Variants in VRTN observed in about 807,000 individuals in gnomAD.
VRTN encodes vertnin.
A neutral mutation model predicts 18.2 loss-of-function variants in VRTN; 5 were observed. The observed-to-expected ratio is 0.27, with a 90% CI of 0.14 to 0.58. VRTN has a LOEUF of 0.58. Ranked by LOEUF, VRTN falls within the 20% of genes least tolerant of loss-of-function variation. VRTN has a pLI of 0.91. For synonymous variants in VRTN, 381 were observed against 393.7 expected (o/e 0.97, Z 0.38); for missense variants, 741 against 939.4 (o/e 0.79, Z 2.76).
chr14:74,357,584 G>T lies in VRTN; in HGVS notation c.801G>T (p.Pro267=). The T allele has an allele frequency of 6.2e-7, 1 of 1,613,900 alleles. No homozygotes were observed. The highest frequency in any genetic ancestry group is 1.1e-5 in the South Asian group (1 of 91,078). The change falls in exon 2 of 2, where the codon CCG becomes CCT. Residue 267 remains proline, a synonymous_variant. Coordinates refer to ENST00000256362, the MANE Select transcript of VRTN (RefSeq NM_018228.3). This position sits in a 1 kb window ranked among gnomAD's most constrained non-coding sequence, Gnocchi z 7.8. ...CAGCCCTGGCCCCACTCTCATCGCC[G>T]GCCAAGACCCTGGAGCTGCTCAACC... ...ALPALAPLSS[P]AKTLELLNRE...
chr14:74,340,110 A>T (rs1345881326), intron 2 of VRTN, among the ~76,000 whole-genome samples: 47 of 113,174 alleles, frequency 4.2e-4, no homozygotes, highest in Non-Finnish European at 4.7e-4. Context: ...TAATGTTTGT[A>T]TTTTTTTTTT....
chr14:74,310,911 G>A (rs891388392), intron 1 of VRTN, among the ~76,000 whole-genome samples: 2 of 151,610 alleles, frequency 1.3e-5, no homozygotes, highest in Non-Finnish European at 2.9e-5. Context: ...CTAGGCTGTC[G>A]AACTCCTGGC....
At chr14:74,332,612 C>T (rs2085535374) in intron 1 of VRTN, among the ~76,000 whole-genome samples, 1 of 151,976 alleles carries the variant, frequency 6.6e-6, no homozygotes, top group Non-Finnish European at 1.5e-5. Flanking sequence ...CCACCTCGGC[C>T]TCCCAAAGTG....
chr14:74,357,267 A>C lies in VRTN; in HGVS notation c.484A>C (p.Lys162Gln). ...TLEAIFDADV[K>Q]ASCFPSSFSN... ...GGAGGCCATCTTCGATGCCGACGTC[A>C]AGGCCTCCTGTTTCCCCAGCAGCTT... Residue 162 changes from lysine (K) to glutamine (Q), a missense_variant, in exon 2 of 2, where the codon AAG (lysine) becomes CAG (glutamine). Coordinates refer to ENST00000256362, the MANE Select transcript of VRTN (RefSeq NM_018228.3). This position sits in a 1 kb window ranked among gnomAD's most constrained non-coding sequence, Gnocchi z 7.8. 1 of 1,613,660 alleles carries C rather than the reference A, an allele frequency of 6.2e-7. No individual in the cohort carries two copies. The highest frequency in any genetic ancestry group is 8.5e-7 in the Non-Finnish European group (1 of 1,179,710).
chr14:74,353,356 C>T (rs948676813), intron 1 of VRTN, among the ~76,000 whole-genome samples: 1 of 152,160 alleles, frequency 6.6e-6, no homozygotes, highest in Non-Finnish European at 1.5e-5. Context: ...ATTAGGTTAA[C>T]TTCAGTTGCC....
At chr14:74,324,084 T>C (rs1412400647) in intron 1 of VRTN, among the ~76,000 whole-genome samples, 3 of 152,060 alleles carry the variant, frequency 2.0e-5, no homozygotes, top group Non-Finnish European at 4.4e-5. Flanking sequence ...ACATGGTAAG[T>C]GCCCAGTAAA....
chr14:74,345,040 T>C (rs1312203948), upstream of VRTN, among the ~76,000 whole-genome samples: 1 of 152,126 alleles, frequency 6.6e-6, no homozygotes, highest in Non-Finnish European at 1.5e-5. Flanking sequence ...GTAAAATTTT[T>C]ATTTTTATTT....
At chr14:74,329,979 C>G (rs538079923) in intron 1 of VRTN, among the ~76,000 whole-genome samples, 9 of 151,306 alleles carry the variant, frequency 5.9e-5, no homozygotes, top group Non-Finnish European at 1.2e-4. Flanking sequence ...TCAAGCAATT[C>G]TTCTATCTCA....
Position 74,358,602 on chromosome 14 carries a change from G to A in VRTN, c.1819G>A (p.Gly607Arg). 6.2e-7 allele frequency: 1 copy of A among 1,600,234 alleles called. No individual in the cohort carries two copies. The highest frequency in any genetic ancestry group is 1.1e-5 in the South Asian group (1 of 88,850). The change falls in exon 2 of 2, where the codon GGG (glycine) becomes AGG (arginine). Residue 607 changes from glycine (G) to arginine (R), a missense_variant. Transcript: ENST00000256362. This position sits in a 1 kb window ranked among gnomAD's most constrained non-coding sequence, Gnocchi z 5.4. ...EDVEGGPSRE[G>R]ALQEGATAQG... The stretch of plus-strand genomic sequence containing the variant: ...TGTAGAGGGAGGGCCTTCCAGAGAG[G>A]GGGCCCTGCAGGAGGGGGCCACAGC...
intron 1 of VRTN, among the ~76,000 whole-genome samples, chr14:74,355,413 A>C (rs563254683): frequency 3.9e-5 from 6 of 152,332 alleles, no homozygotes; most frequent in African/African-American, 1.2e-4. Context: ...GGAGACATTC[A>C]TCATACCTCG....
At chr14:74,333,290 G>C (rs960343276) in intron 1 of VRTN, among the ~76,000 whole-genome samples, 1 of 152,134 alleles carries the variant, frequency 6.6e-6, no homozygotes, top group Admixed American at 6.6e-5. Flanking sequence ...GGCTGAGGCA[G>C]GAGAACTGCT....
In VRTN at chr14:74,313,025, G is replaced by C. The variant is rs914314505; in HGVS notation, c.-164+9849G>C. Reference sequence around the variant, plus strand: ...CAAAGTGCTGGGATTACAGGCATGCGCGCTGCGCCTGGCCTGTGTTTTGTT... The same window carrying C: ...CAAAGTGCTGGGATTACAGGCATGCCCGCTGCGCCTGGCCTGTGTTTTGTT... On this transcript the variant is annotated intron_variant, in intron 1 of 2. Coordinates refer to the VRTN transcript ENST00000557177. 1.2e-4 allele frequency among the ~76,000 whole-genome samples: 18 copies of C among 152,368 alleles called. 1 individual carries two copies. In the South Asian group the frequency reaches 1.4e-3, roughly 12 times the overall value.
At chr14:74,314,641 G>A (rs2085408740) in intron 1 of VRTN, among the ~76,000 whole-genome samples, 1 of 151,906 alleles carries the variant, frequency 6.6e-6, no homozygotes, top group Non-Finnish European at 1.5e-5. Flanking sequence ...TGACCTCCAT[G>A]ATCCGCCTGC....
intron 1 of VRTN, among the ~76,000 whole-genome samples, chr14:74,303,920 C>T (rs1208752526): frequency 1.4e-5 from 2 of 138,646 alleles, no homozygotes; most frequent in South Asian, 2.3e-4. Flanking sequence ...GGCGCGATAT[C>T]GGCTCACGGC....
In VRTN at chr14:74,358,292, C is replaced by T. The variant is rs150918316; in HGVS notation, c.1509C>T (p.Pro503=). 3.4e-5 allele frequency: 55 copies of T among 1,611,288 alleles called. No homozygotes were observed. In the African/African-American group the frequency reaches 6.3e-4, roughly 18 times the overall value. Residue 503 remains proline (P), a synonymous_variant, in exon 2 of 2, where the codon CCC becomes CCT. Coordinates refer to ENST00000256362, the MANE Select transcript of VRTN (RefSeq NM_018228.3). This position sits in a 1 kb window ranked among gnomAD's most constrained non-coding sequence, Gnocchi z 5.4. ...GGGAGCTCCTGCCACTAAGGATGCC[C>T]CTGTCCCGTTGGCAGAGGCGTCTGC... ...APGELLPLRM[P]LSRWQRRLRR...
chr14:74,356,195 T>C (rs898366473), intron 1 of VRTN, among the ~76,000 whole-genome samples: 5 of 151,960 alleles, frequency 3.3e-5, no homozygotes, highest in African/African-American at 1.2e-4. Flanking sequence ...AATTTTTTTT[T>C]CCCTTTTGGA....
chr14:74,358,945 AG>A lies in VRTN; in HGVS notation c.*56del. On this transcript the variant is annotated 3_prime_UTR_variant, in exon 2 of 2. Transcript: ENST00000256362. The surrounding 1 kb of genome is among the most constrained non-coding windows in gnomAD (Gnocchi z 5.4). Reference sequence around the variant, plus strand: ...AAGGGGGACCAGTTTGGAGAGGGTCAGGGACCTGAGCTGACCCCAGGCTTGG... The same window carrying A: ...AAGGGGGACCAGTTTGGAGAGGGTCAGGACCTGAGCTGACCCCAGGCTTGG... 2 of 1,553,916 alleles carry A rather than the reference AG, an allele frequency of 1.3e-6. No homozygotes were observed. The highest frequency in any genetic ancestry group is 1.4e-5 in the African/African-American group (1 of 73,432).
intron 1 of VRTN, among the ~76,000 whole-genome samples, chr14:74,320,249 CTTTTTT>C (rs71115982): frequency 5.5e-5 from 4 of 72,688 alleles, no homozygotes; most frequent in African/African-American, 1.9e-4. Context: ...GATCCCATCC[CTTTTTT>C]TTTTTTTTTT....
At chr14:74,333,246 G>C (rs751464326) in intron 1 of VRTN, among the ~76,000 whole-genome samples, 2 of 151,958 alleles carry the variant, frequency 1.3e-5, no homozygotes, top group African/African-American at 2.4e-5. Flanking sequence ...AACTGGGTGT[G>C]GTGGCATGTG....
Sources: allele counts gnomAD v4.1 joint callset (sites outside exome capture counted in the v4.1 genomes callset), GRCh38; gene constraint gnomAD v4.1.1; non-coding constraint Gnocchi (gnomAD v3.1); transcripts MANE v1.5; gene names NCBI Gene and HGNC (gene_info 2026-07-23, HGNC 2026-07-21).